The following CPEB1 variants were observed in gnomAD, a reference collection of about 807,000 sequenced individuals.
CPEB1 encodes cytoplasmic polyadenylation element-binding protein 1.
A neutral mutation model predicts 65.8 loss-of-function variants in CPEB1; 7 were observed. The ratio of observed to expected loss-of-function variants is 0.11; its 90% CI spans 0.06 to 0.20. The LOEUF (loss-of-function observed/expected upper bound fraction) is 0.20. Among genes scored for constraint, CPEB1 ranks in the 10% least tolerant of loss-of-function variants. CPEB1 has a pLI of 1.00. For missense variants in CPEB1, 551 were observed against 712.2 expected (o/e 0.77, Z 2.58); for synonymous variants, 262 against 260.0 (o/e 1.01, Z -0.08).
chr15:82,544,543 T>A lies in CPEB1; in HGVS notation c.*49A>T. On this transcript the variant is annotated 3_prime_UTR_variant, in exon 13 of 13. Transcript: ENST00000684509. ...GGCAGGGTGGTGCAGGCTGCTTGCC[T>A]GACCTGCCAGCTTTGGGCGCCACAG... 6.8e-7 allele frequency: 1 copy of A among 1,468,890 alleles called. No individual in the cohort carries two copies. Among genetic ancestry groups the A allele is most frequent in the Non-Finnish European group, 9.4e-7 (1 of 1,060,734 alleles). 91.0% of individuals were successfully genotyped at this position (1,468,890 alleles called of 1,614,324 possible). A position where few individuals can be genotyped will look rare whatever the true frequency, so the allele number is the denominator to read the frequency against.
At chr15:82,553,335 G>A in intron 8 of CPEB1, 132 bp downstream of exon 8, 1 of 663,604 alleles carries the variant, frequency 1.5e-6, no homozygotes. Flanking sequence ...CAGATGGCAG[G>A]TCTGTGCCCT....
chr15:82,571,898 T>C (rs2040090434), intron 3 of CPEB1: 3 of 1,018,380 alleles, frequency 2.9e-6, no homozygotes, highest in Non-Finnish European at 3.5e-6. Context: ...GGGAGGAGAC[T>C]TGCCTCCCAG....
At chr15:82,564,968 G>A (rs1414646065) in intron 4 of CPEB1, among the ~76,000 whole-genome samples, 2 of 152,150 alleles carry the variant, frequency 1.3e-5, no homozygotes, top group East Asian at 1.9e-4. Context: ...TCAGAAAGGG[G>A]CAATGCCATC....
intron 4 of CPEB1, among the ~76,000 whole-genome samples, chr15:82,565,039 T>C (rs761514956): frequency 3.9e-5 from 6 of 152,162 alleles, no homozygotes; most frequent in Non-Finnish European, 7.3e-5. Context: ...TCTCCATGCA[T>C]CAGTTTCCTG....
chr15:82,590,211 A>T (rs2042122816), intron 3 of CPEB1, among the ~76,000 whole-genome samples: 1 of 11,252 alleles, frequency 8.9e-5, no homozygotes, highest in African/African-American at 1.3e-3. Flanking sequence ...CCCTTTGACA[A>T]AAAAAAAAAA....
intron 3 of CPEB1, among the ~76,000 whole-genome samples, chr15:82,579,356 G>T (rs544874077): frequency 6.6e-6 from 1 of 152,244 alleles, no homozygotes; most frequent in Non-Finnish European, 1.5e-5. Context: ...AGCTACTGAG[G>T]AGGTTGAGGC....
At chr15:82,558,954 T>A (rs1326397160) in intron 4 of CPEB1, among the ~76,000 whole-genome samples, 1 of 17,828 alleles carries the variant, frequency 5.6e-5, no homozygotes, top group East Asian at 7.1e-4. Context: ...TAATTTGAAG[T>A]TTTTTTTTTT....
rs149181569 is a variant in CPEB1, at chr15:82,593,174, G to A, written c.272-21642C>T. ...AACCATGATGTTTGCCGCATAGTTC[G>A]ATTCTTCCTTTCATGAAAGATTTCT... is the stretch of plus-strand genomic sequence containing the variant. On this transcript the variant is annotated intron_variant, in intron 3 of 12. Coordinates refer to ENST00000684509, the MANE Select transcript of CPEB1 (RefSeq NM_001365242.1). 8.5e-4 allele frequency among the ~76,000 whole-genome samples: 130 copies of A among 152,278 alleles called. 1 individual carries two copies. The highest frequency in any genetic ancestry group is 3.0e-3 in the African/African-American group (126 of 41,554).
At chr15:82,546,596 C>T (rs1424133229) in intron 11 of CPEB1, 75 bp from the exon 12 acceptor site, 1 of 1,039,776 alleles carries the variant, frequency 9.6e-7, no homozygotes, top group Non-Finnish European at 1.5e-6. Context: ...AAGAAGGGCA[C>T]ATTATTGGCC....
chr15:82,626,506 T>C (rs1483548426), intron 3 of CPEB1, among the ~76,000 whole-genome samples: 1 of 152,130 alleles, frequency 6.6e-6, no homozygotes, highest in Non-Finnish European at 1.5e-5. Context: ...CACTTCAACA[T>C]TCTTATAATG....
chr15:82,556,892 G>C (rs2037299442), intron 5 of CPEB1, among the ~76,000 whole-genome samples: 1 of 152,200 alleles, frequency 6.6e-6, no homozygotes, highest in African/African-American at 2.4e-5. Context: ...AGGACAGGCT[G>C]ACAGGCGATC....
chr15:82,572,737 G>A (rs190907457), intron 3 of CPEB1, among the ~76,000 whole-genome samples: 7 of 152,268 alleles, frequency 4.6e-5, no homozygotes, highest in Non-Finnish European at 8.8e-5. Context: ...CAGGAGCCCT[G>A]AGCATGATAC....
In CPEB1 at chr15:82,543,823, T is replaced by A. The variant is rs879146890; in HGVS notation, c.*769A>T. 0.16 allele frequency: 23,380 copies of A among 150,614 alleles called. 2,342 individuals carry two copies. Among genetic ancestry groups the A allele is most frequent in the African/African-American group, 0.26 (10,539 of 40,674 alleles). The allele number at this position is 150,614 out of a possible 1,614,324, so 9.3% of individuals were successfully genotyped here. A position where few individuals can be genotyped will look rare whatever the true frequency, so the allele number is the denominator to read the frequency against. ...GTCCAGTTTCAAATAAAACAAAAAATTTTTTTTTTCTTGGTTGCAAATGCC... is the reference window on the plus strand; with the variant it reads ...GTCCAGTTTCAAATAAAACAAAAAAATTTTTTTTTCTTGGTTGCAAATGCC... On this transcript the variant is annotated 3_prime_UTR_variant, in exon 13 of 13. Coordinates refer to ENST00000684509, the MANE Select transcript of CPEB1 (RefSeq NM_001365242.1).
intron 9 of CPEB1, among the ~76,000 whole-genome samples, chr15:82,552,189 G>C (rs1201374449): frequency 6.6e-6 from 1 of 152,108 alleles, no homozygotes; most frequent in African/African-American, 2.4e-5. Context: ...TGAAACCAAA[G>C]TGTTGGCTAC....
chr15:82,571,594 C>G, intron 3 of CPEB1, 62 bp from the exon 4 acceptor site: 1 of 1,551,242 alleles, frequency 6.4e-7, no homozygotes, highest in Non-Finnish European at 8.7e-7. Flanking sequence ...CCAATATTAT[C>G]AACAGTAAAT....
At chr15:82,607,772 C>CA (rs954937733) in intron 3 of CPEB1, among the ~76,000 whole-genome samples, 15 of 151,814 alleles carry the variant, frequency 9.9e-5, no homozygotes, top group Non-Finnish European at 2.1e-4. Flanking sequence ...GTTAATCTAT[C>CA]AAAAAAAATT....
Position 82,544,167 on chromosome 15 carries a change from C to T in CPEB1, c.*425G>A, listed in dbSNP as rs1425294159. On this transcript the variant is annotated 3_prime_UTR_variant, in exon 13 of 13. Transcript: ENST00000684509. The stretch of plus-strand genomic sequence containing the variant: ...GCAAGAATGAAACCAATGAGACCTG[C>T]GCATCATCACCATCAGTATTGCAAG... 2.5e-5 allele frequency: 4 copies of T among 158,618 alleles called. No homozygotes were observed. The highest frequency in any genetic ancestry group is 1.9e-4 in the South Asian group (1 of 5,324). 9.8% of individuals were successfully genotyped at this position (158,618 alleles called of 1,614,324 possible).
chr15:82,577,888 C>A (rs1468137217), intron 3 of CPEB1, among the ~76,000 whole-genome samples: 2 of 152,018 alleles, frequency 1.3e-5, no homozygotes, highest in Non-Finnish European at 2.9e-5. Flanking sequence ...CGCCTGTAAT[C>A]CCAGCACTTT....
chr15:82,603,866 T>A (rs999078312), intron 3 of CPEB1, among the ~76,000 whole-genome samples: 1 of 152,174 alleles, frequency 6.6e-6, no homozygotes, highest in African/African-American at 2.4e-5. Flanking sequence ...GGAGGACGGA[T>A]AACCCGATTT....
Sources: gnomAD v4.1 joint callset for allele counts (sites outside exome capture counted in the v4.1 genomes callset) on GRCh38, gnomAD v4.1.1 for gene constraint, MANE v1.5 for transcripts, NCBI Gene and HGNC (gene_info 2026-07-23, HGNC 2026-07-21) for gene names.